Variants in DOCK7 observed in about 807,000 individuals in gnomAD.
DOCK7 encodes dedicator of cytokinesis protein 7.
In DOCK7, 138 loss-of-function variants were observed where a neutral mutation model predicts 271.0. The ratio of observed to expected loss-of-function variants is 0.51; its 90% CI spans 0.44 to 0.59. The LOEUF is 0.59. Ranked by LOEUF, DOCK7 falls within the 20% of genes least tolerant of loss-of-function variation. The pLI is 0.00. For missense variants in DOCK7, 2,066 were observed against 2,592.4 expected (o/e 0.80, Z 4.41); for synonymous variants, 823 against 876.1 (o/e 0.94, Z 1.07).
intron 33 of DOCK7, 89 bp downstream of exon 33, chr1:62,513,355 C>T: frequency 1.7e-6 from 2 of 1,185,280 alleles, no homozygotes; most frequent in Middle Eastern, 2.3e-4. Flanking sequence ...ACACTTAAAA[C>T]ACTTTTTAAA....
chr1:62,641,807 T>A (rs567213376), intron 7 of DOCK7: 1 of 257,662 alleles, frequency 3.9e-6, no homozygotes, highest in East Asian at 9.4e-5. Flanking sequence ...TAACATTTTA[T>A]CAATATGTGT....
At chr1:62,529,772 T>G (rs1475900609) in intron 29 of DOCK7, among the ~76,000 whole-genome samples, 5 of 152,224 alleles carry the variant, frequency 3.3e-5, no homozygotes, top group Admixed American at 3.3e-4. Context: ...AGTTACATTT[T>G]GAAGCTAAAC....
intron 22 of DOCK7, among the ~76,000 whole-genome samples, chr1:62,549,513 AT>A (rs1393797609): frequency 6.6e-6 from 1 of 152,146 alleles, no homozygotes; most frequent in Non-Finnish European, 1.5e-5. Context: ...TTTTTATTTA[AT>A]TTTGTGGGTA....
chr1:62,489,586 T>A lies in DOCK7; in HGVS notation c.5362-521A>T, dbSNP rs138535663. ...ATCTTCTCCTCTGGATAAATGGGTA[T>A]GTATGTAGATATGTGTATGTGTGTG... On this transcript the variant is annotated intron_variant, in intron 41 of 49. Transcript: ENST00000635253. Among the ~76,000 whole-genome samples the A allele has an allele frequency of 3.3e-3, 496 of 152,346 alleles. 3 individuals are homozygous for A. The highest frequency in any genetic ancestry group is 0.011 in the African/African-American group (457 of 41,582).
intron 31 of DOCK7, among the ~76,000 whole-genome samples, chr1:62,526,278 G>A (rs1044409424): frequency 2.6e-5 from 4 of 152,136 alleles, no homozygotes; most frequent in Non-Finnish European, 5.9e-5. Context: ...CTCCAAAGGA[G>A]ATATACAAAA....
At chr1:62,572,376 T>C (rs748276101) in intron 18 of DOCK7, among the ~76,000 whole-genome samples, 1 of 152,252 alleles carries the variant, frequency 6.6e-6, no homozygotes, top group African/African-American at 2.4e-5. Flanking sequence ...CATGTTATTA[T>C]ATCATTCAAT....
chr1:62,662,370 A>G (rs1571938095), intron 2 of DOCK7, among the ~76,000 whole-genome samples: 1 of 152,170 alleles, frequency 6.6e-6, no homozygotes, highest in Non-Finnish European at 1.5e-5. Flanking sequence ...CATTTATCTT[A>G]AAGGGGACAG....
chr1:62,564,167 AAATT>A (rs1035543124), intron 18 of DOCK7, among the ~76,000 whole-genome samples: 1 of 152,150 alleles, frequency 6.6e-6, no homozygotes, highest in Admixed American at 6.5e-5. Context: ...ACAAGACAGA[AAATT>A]AACAAGGGTA....
chr1:62,543,575 T>C, intron 24 of DOCK7, 81 bp downstream of exon 24: 1 of 1,041,192 alleles, frequency 9.6e-7, no homozygotes, highest in Non-Finnish European at 1.5e-6. Context: ...TATCTCATAC[T>C]GGTTATGTAA....
chr1:62,604,000 C>T (rs773437531), intron 14 of DOCK7: 2 of 1,612,980 alleles, frequency 1.2e-6, no homozygotes, highest in Non-Finnish European at 1.7e-6. Flanking sequence ...AGAAGATATA[C>T]TCCATAGTGA....
intron 27 of DOCK7, among the ~76,000 whole-genome samples, chr1:62,538,360 C>G (rs756465353): frequency 2.0e-5 from 3 of 151,274 alleles, no homozygotes; most frequent in Non-Finnish European, 4.4e-5. Flanking sequence ...CCAAAAATAA[C>G]TTCTTATTAC....
chr1:62,622,514 C>T (rs2149596775), intron 12 of DOCK7, among the ~76,000 whole-genome samples: 1 of 152,162 alleles, frequency 6.6e-6, no homozygotes, highest in South Asian at 2.1e-4. Flanking sequence ...AATACAGTGG[C>T]ATTATAATTG....
chr1:62,603,464 T>A (rs1471788684), intron 14 of DOCK7, among the ~76,000 whole-genome samples: 7 of 151,850 alleles, frequency 4.6e-5, no homozygotes, highest in Non-Finnish European at 1.0e-4. Flanking sequence ...AATGATTTTT[T>A]AAATTTATTC....
chr1:62,654,853 T>A (rs1283177496), intron 2 of DOCK7, among the ~76,000 whole-genome samples: 1 of 152,008 alleles, frequency 6.6e-6, no homozygotes, highest in African/African-American at 2.4e-5. Flanking sequence ...AGAGAGAGAT[T>A]TGAATATCCT....
rs758839597 is a variant in DOCK7, at chr1:62,535,589, T to G, written c.3515A>C (p.Asn1172Thr). 1.2e-6 allele frequency: 2 copies of G among 1,613,842 alleles called. No individual in the cohort carries two copies. The highest frequency in any genetic ancestry group is 2.7e-5 in the African/African-American group (2 of 74,934). The change falls in exon 29 of 50, where the codon AAT becomes ACT. Residue 1172 changes from asparagine (N) to threonine (T), a missense_variant. Coordinates refer to ENST00000635253, the MANE Select transcript of DOCK7 (RefSeq NM_001367561.1). ...GAAAGGCACGGATAATTCAAACATA[T>G]TTGCAATCTTTTGGTCTTGTACATT... is the stretch of plus-strand genomic sequence containing the variant. ...STNVQDQKIA[N>T]MFELSVPFRQ...
chr1:62,643,926 C>T (rs1368553812), intron 7 of DOCK7, among the ~76,000 whole-genome samples: 1 of 151,894 alleles, frequency 6.6e-6, no homozygotes, highest in Non-Finnish European at 1.5e-5. Flanking sequence ...TGAAAAAGAT[C>T]AAATGAATCC....
In DOCK7 at chr1:62,517,117, AT is replaced by A. The variant is rs1644684780; in HGVS notation, c.3937-3220del. Among the ~76,000 whole-genome samples the A allele has an allele frequency of 2.0e-5, 3 of 152,176 alleles. No individual in the cohort carries two copies. In the South Asian group the frequency reaches 6.2e-4, roughly 31 times the overall value. On this transcript the variant is annotated intron_variant, in intron 31 of 49. Coordinates refer to ENST00000635253, the MANE Select transcript of DOCK7 (RefSeq NM_001367561.1). ...TGTCTATGTATTTGATTCTCTAAAT[AT>A]CCTGTGCTATTTTTTACTTCCTTAA...
intron 31 of DOCK7, among the ~76,000 whole-genome samples, chr1:62,517,051 T>G (rs779756336): frequency 3.9e-5 from 6 of 152,220 alleles, no homozygotes; most frequent in Non-Finnish European, 8.8e-5. Context: ...ACTTTCACTA[T>G]TTTAAACACT....
intron 42 of DOCK7, chr1:62,488,034 T>C (rs529820613): frequency 7.7e-4 from 118 of 152,496 alleles, no homozygotes; most frequent in Non-Finnish European, 1.5e-3. Context: ...GCTTTTCAGA[T>C]TAATCAGTTC....
Sources: gnomAD v4.1 joint callset for allele counts (sites outside exome capture counted in the v4.1 genomes callset) on GRCh38, gnomAD v4.1.1 for gene constraint, MANE v1.5 for transcripts, NCBI Gene and HGNC (gene_info 2026-07-23, HGNC 2026-07-21) for gene names.